The following MYLK variants were observed in gnomAD, a reference collection of about 807,000 sequenced individuals.
The protein encoded by MYLK is myosin light chain kinase, smooth muscle.
MYLK carries 106 observed loss-of-function variants against 203.4 expected under a neutral mutation model. That is an observed-to-expected ratio of 0.52 (90% CI 0.45 to 0.61). The LOEUF (loss-of-function observed/expected upper bound fraction) is 0.61. MYLK is among the 20% of genes least tolerant of loss of function. The pLI, the probability that MYLK is intolerant of heterozygous loss-of-function variation, is 0.00. For missense variants in MYLK, 2,072 were observed against 2,442.3 expected (o/e 0.85, Z 3.20); for synonymous variants, 867 against 959.5 (o/e 0.90, Z 1.78).
chr3:123,723,274 G>A (rs1036844830), intron 12 of MYLK, among the ~76,000 whole-genome samples: 4 of 152,162 alleles, frequency 2.6e-5, no homozygotes, highest in African/African-American at 9.7e-5. Context: ...TCTGCACATA[G>A]CAACACTTCA....
intron 3 of MYLK, among the ~76,000 whole-genome samples, chr3:123,827,748 T>G (rs1173620448): frequency 3.6e-4 from 27 of 74,686 alleles, no homozygotes; most frequent in African/African-American, 1.3e-3. Context: ...TATATATATA[T>G]AAAGACTCTA....
chr3:123,708,648 G>A (rs770788817), intron 15 of MYLK, 50 bp downstream of exon 15: 14 of 1,607,224 alleles, frequency 8.7e-6, no homozygotes, highest in Non-Finnish European at 1.2e-5. Flanking sequence ...ACTTTTGGAG[G>A]GGCTGCAGCA....
intron 8 of MYLK, 147 bp from the exon 9 acceptor site, chr3:123,735,563 C>A: frequency 1.2e-6 from 1 of 830,280 alleles, no homozygotes; most frequent in East Asian, 2.6e-5. Flanking sequence ...GGCCTTTGAA[C>A]TCCCCCCAGC....
intron 2 of MYLK, among the ~76,000 whole-genome samples, chr3:123,851,990 C>G (rs955185714): frequency 1.3e-5 from 2 of 152,170 alleles, no homozygotes; most frequent in African/African-American, 4.8e-5. Context: ...TTTTCTGCAT[C>G]TATTGAGATA....
chr3:123,855,119 C>T (rs1398651458), intron 2 of MYLK, among the ~76,000 whole-genome samples: 1 of 150,828 alleles, frequency 6.6e-6, no homozygotes, highest in East Asian at 2.1e-4. Flanking sequence ...CACTTTTGTT[C>T]TGAGAACTCA....
Position 123,740,006 on chromosome 3 carries a change from A to G in MYLK, c.374-5T>C, listed in dbSNP as rs2062809341. The G allele has an allele frequency of 1.9e-6, 3 of 1,613,842 alleles. No homozygotes were observed. The highest frequency in any genetic ancestry group is 1.3e-5 in the African/African-American group (1 of 75,046). The stretch of plus-strand genomic sequence containing the variant: ...CAAGCTGCTTCGCAAAACTTCCTGC[A>G]AGAAAAAGAGTTGATGAGTCAGGTC... On this transcript the variant is annotated splice_region_variant and splice_polypyrimidine_tract_variant and intron_variant, in intron 5 of 33. Coordinates refer to ENST00000360304, the MANE Select transcript of MYLK (RefSeq NM_053025.4).
chr3:123,618,361 A>G (rs149673947), intron 33 of MYLK: 2 of 439,938 alleles, frequency 4.5e-6, no homozygotes, highest in African/African-American at 2.0e-5. Context: ...AGTCCATGCA[A>G]GGCCATTTCT....
intron 14 of MYLK, chr3:123,709,134 A>ATTT (rs1161776768): frequency 1.0e-3 from 173 of 171,734 alleles, no homozygotes; most frequent in African/African-American, 1.1e-3. Context: ...TTCTCACATA[A>ATTT]TTTTTTTTTT....
intron 5 of MYLK, among the ~76,000 whole-genome samples, chr3:123,745,313 T>C (rs1157922879): frequency 2.0e-5 from 3 of 152,066 alleles, no homozygotes; most frequent in African/African-American, 7.2e-5. Flanking sequence ...CCCCCATGAA[T>C]CTCCTAAGTG....
intron 19 of MYLK, chr3:123,689,649 G>A (rs2060587195): frequency 1.3e-5 from 2 of 152,226 alleles, no homozygotes; most frequent in Admixed American, 1.3e-4. Context: ...TGCATAGACT[G>A]AAAATGCAAA....
intron 15 of MYLK, 91 bp from the exon 16 acceptor site, chr3:123,708,094 T>C (rs547239488): frequency 5.0e-5 from 77 of 1,555,394 alleles, no homozygotes; most frequent in East Asian, 3.3e-4. Flanking sequence ...GATGGGAAGA[T>C]AGCATGTCAC....
chr3:123,731,824 C>T (rs2062486380), intron 11 of MYLK, among the ~76,000 whole-genome samples: 1 of 151,758 alleles, frequency 6.6e-6, no homozygotes, highest in South Asian at 2.1e-4. Flanking sequence ...TCTTAAAACA[C>T]CACGAATTCC....
intron 29 of MYLK, among the ~76,000 whole-genome samples, chr3:123,633,050 C>T (rs2058502311): frequency 6.6e-6 from 1 of 152,032 alleles, no homozygotes; most frequent in Non-Finnish European, 1.5e-5. Flanking sequence ...CCCACCTCTG[C>T]CTCCCAAAGT....
rs2066332307 is a variant in MYLK at position 123,831,663 on chromosome 3, G to T, written c.-119C>A. On this transcript the variant is annotated 5_prime_UTR_variant, in exon 3 of 34. Coordinates refer to ENST00000360304, the MANE Select transcript of MYLK (RefSeq NM_053025.4). ...CTCTGAACTGCAGCAGAGGCAGCCG[G>T]GAGCCACCTGGGTGGGTGGGAAGGA... The T allele has an allele frequency of 4.1e-6, 1 of 243,226 alleles. No individual in the cohort carries two copies. The highest frequency in any genetic ancestry group is 2.2e-5 in the African/African-American group (1 of 44,614). 15.1% of individuals were successfully genotyped at this position (243,226 alleles called of 1,614,324 possible).
chr3:123,665,760 T>A (rs573656577), intron 22 of MYLK, among the ~76,000 whole-genome samples: 1 of 152,380 alleles, frequency 6.6e-6, no homozygotes, highest in South Asian at 2.1e-4. Context: ...ATCATACAAT[T>A]CTTCTATCCA....
intron 16 of MYLK, among the ~76,000 whole-genome samples, chr3:123,705,101 C>A (rs978029847): frequency 1.3e-5 from 2 of 152,118 alleles, no homozygotes; most frequent in African/African-American, 2.4e-5. Context: ...CTAGCAGGGA[C>A]AGGCAGGATC....
rs2061564392 is a variant in MYLK, at chr3:123,708,792, G to A, written c.2046C>T (p.Ile682=). ...EQRGTQHSLC[I]QEVFPEDTGT... ...CCGTGTCCTCCGGGAACACTTCCTG[G>A]ATACAAAGGCTGTGCTGAGTTCCTC... is the stretch of plus-strand genomic sequence containing the variant. The change falls in exon 15 of 34, where the codon ATC becomes ATT. Residue 682 remains isoleucine, a synonymous_variant. Coordinates refer to ENST00000360304, the MANE Select transcript of MYLK (RefSeq NM_053025.4). The A allele has an allele frequency of 6.2e-7, 1 of 1,614,048 alleles. No individual in the cohort carries two copies. The highest frequency in any genetic ancestry group is 1.7e-5 in the Admixed American group (1 of 60,002).
Position 123,733,767 on chromosome 3 carries a change from T to G in MYLK, c.1229A>C (p.Asp410Ala). Residue 410 changes from aspartate (D) to alanine (A), a missense_variant, in exon 10 of 34, where the codon GAT becomes GCT. Physicochemically the swap from Asp to Ala is moderately radical, Grantham distance 126. Transcript: ENST00000360304. The stretch of plus-strand genomic sequence containing the variant: ...GCTCTCAAATTTGGGGAATGCTGAA[T>G]CCCTCTGGCCCTCCATGGGGATTCT... The part of the protein sequence containing the change: ...NRRIPMEGQR[D>A]SAFPKFESKP... 1 of 1,614,208 alleles carries G rather than the reference T, an allele frequency of 6.2e-7. No individual in the cohort carries two copies. The highest frequency in any genetic ancestry group is 8.5e-7 in the Non-Finnish European group (1 of 1,180,044).
intron 2 of MYLK, among the ~76,000 whole-genome samples, chr3:123,848,523 CT>C (rs1287979227): frequency 6.6e-6 from 1 of 152,052 alleles, no homozygotes; most frequent in African/African-American, 2.4e-5. Context: ...AAAAAAAACA[CT>C]ATACTTCCCT....
Sources: gnomAD v4.1 joint callset for allele counts (sites outside exome capture counted in the v4.1 genomes callset) on GRCh38, gnomAD v4.1.1 for gene constraint, MANE v1.5 for transcripts, NCBI Gene and HGNC (gene_info 2026-07-23, HGNC 2026-07-21) for gene names.